The following DMAP1 variants were observed in gnomAD, a reference collection of about 807,000 sequenced individuals.
DMAP1 encodes the protein DNA methyltransferase 1-associated protein 1.
In DMAP1, 26 loss-of-function variants were observed where a neutral mutation model predicts 52.7. That is an observed-to-expected ratio of 0.49 (90% CI 0.36 to 0.68). The LOEUF (loss-of-function observed/expected upper bound fraction) is 0.68. Among genes scored for constraint, DMAP1 ranks in the 30% least tolerant of loss-of-function variants. The pLI, the probability that DMAP1 is intolerant of heterozygous loss-of-function variation, is 0.00. For missense variants in DMAP1, 439 were observed against 625.2 expected (o/e 0.70, Z 3.18); for synonymous variants, 231 against 246.0 (o/e 0.94, Z 0.57).
Position 44,219,689 on chromosome 1 carries a change from T to A in DMAP1, c.979-117T>A, listed in dbSNP as rs562941276. 7.8e-5 allele frequency: 103 copies of A among 1,326,722 alleles called. No homozygotes were observed. The African/African-American group carries it at 1.4e-3, about 18-fold the overall frequency. 82.2% of individuals were successfully genotyped at this position (1,326,722 alleles called of 1,614,324 possible). The stretch of plus-strand genomic sequence containing the variant: ...CCTGGCTATTTCCTTTTCTGGCCCA[T>A]AGTTAACCTCCATGTGTTACCGTCT... On this transcript the variant is annotated intron_variant, in intron 7 of 9. Coordinates refer to ENST00000372289, the MANE Select transcript of DMAP1 (RefSeq NM_019100.5).
At position 44,218,902 on chromosome 1, in the gene DMAP1, TG is replaced by T; in HGVS notation, c.720+150del. Reference sequence around the variant, plus strand: ...GCCCCAAGCCCATTCCTACTTCTCATGGGCCATCCCCCCTGCTTTTCATAGC... The same window carrying T: ...GCCCCAAGCCCATTCCTACTTCTCATGGCCATCCCCCCTGCTTTTCATAGC... On this transcript the variant is annotated intron_variant, in intron 5 of 9. Transcript: ENST00000372289. The surrounding 1 kb of genome is among the most constrained non-coding windows in gnomAD (Gnocchi z 5.6). 1 of 1,399,598 alleles carries T rather than the reference TG, an allele frequency of 7.1e-7. No individual in the cohort carries two copies. Among genetic ancestry groups the T allele is most frequent in the Non-Finnish European group, 9.7e-7 (1 of 1,028,550 alleles). The allele number at this position is 1,399,598 out of a possible 1,614,324, so 86.7% of individuals were successfully genotyped here. A position where few individuals can be genotyped will look rare whatever the true frequency, so the allele number is the denominator to read the frequency against.
chr1:44,214,382 T>TTGA lies in DMAP1; in HGVS notation c.139_140insGAT (p.Thr46_Phe47insTer). The TTGA allele has an allele frequency of 6.2e-7, 1 of 1,614,158 alleles. No individual in the cohort carries two copies. The highest frequency in any genetic ancestry group is 8.5e-7 in the Non-Finnish European group (1 of 1,180,008). ...CCAAGAAGTCCTCTGAGACACTGAC[T>TTGA]TTCAAGAGGCCCGAGGGCATGCACC... On this transcript the variant is annotated stop_gained and inframe_insertion, in exon 2 of 10. Coordinates refer to ENST00000372289, the MANE Select transcript of DMAP1 (RefSeq NM_019100.5). LOFTEE classifies it high-confidence loss of function.
Position 44,214,968 on chromosome 1 carries a change from A to G in DMAP1, c.393+70A>G. On this transcript the variant is annotated intron_variant, in intron 3 of 9. Transcript: ENST00000372289. ...TTTGAGCCATTTGTGCGAGCTCTCCAGTCTCCTAGGGTTGGTTCTGGGGGC... is the reference window on the plus strand; with the variant it reads ...TTTGAGCCATTTGTGCGAGCTCTCCGGTCTCCTAGGGTTGGTTCTGGGGGC... 4.4e-6 allele frequency: 7 copies of G among 1,582,256 alleles called. No homozygotes were observed. In the South Asian group the frequency reaches 4.5e-5, roughly 10 times the overall value.
At position 44,218,195 on chromosome 1, in the gene DMAP1, G is replaced by C. The variant is rs746822529; in HGVS notation, c.394-116G>C. The C allele has an allele frequency of 1.4e-4, 190 of 1,394,708 alleles. No individual in the cohort carries two copies. The highest frequency in any genetic ancestry group is 1.7e-4 in the Non-Finnish European group (169 of 981,788). 86.4% of individuals were successfully genotyped at this position (1,394,708 alleles called of 1,614,324 possible). Reference sequence around the variant, plus strand: ...GTTCTTTCCTCACTCCATGCTGCAGGGGCACAGGCCCAGGGTCTGGCAACA... The same window carrying C: ...GTTCTTTCCTCACTCCATGCTGCAGCGGCACAGGCCCAGGGTCTGGCAACA... On this transcript the variant is annotated intron_variant, in intron 3 of 9. Coordinates refer to ENST00000372289, the MANE Select transcript of DMAP1 (RefSeq NM_019100.5). This position sits in a 1 kb window ranked among gnomAD's most constrained non-coding sequence, Gnocchi z 5.6.
At position 44,214,733 on chromosome 1, in the gene DMAP1, T is replaced by C. The variant is rs1460346988; in HGVS notation, c.228T>C (p.Thr76=). ...CACCCCCACTGCTACCCAGTGACAC[T>C]GGCCAGGGATACCGTACAGTGAAGG... ...KDAPPLLPSD[T]GQGYRTVKAK... The change falls in exon 3 of 10, where the codon ACT becomes ACC. Residue 76 remains threonine (T), a synonymous_variant. Coordinates refer to ENST00000372289, the MANE Select transcript of DMAP1 (RefSeq NM_019100.5). 1.9e-6 allele frequency: 3 copies of C among 1,612,340 alleles called. No individual in the cohort carries two copies. The highest frequency in any genetic ancestry group is 1.7e-5 in the Admixed American group (1 of 59,972).
intron 1 of DMAP1, among the ~76,000 whole-genome samples, chr1:44,214,135 T>C (rs1643740406): frequency 6.6e-6 from 1 of 152,120 alleles, no homozygotes; most frequent in Non-Finnish European, 1.5e-5. Flanking sequence ...GATCAAGACA[T>C]TGTAACAGTC....
Position 44,220,285 on chromosome 1 carries a change from G to C in DMAP1, c.1320G>C (p.Val440=), listed in dbSNP as rs1346914647. The change falls in exon 9 of 10, where the codon GTG becomes GTC. Residue 440 remains valine, a synonymous_variant. Coordinates refer to ENST00000372289, the MANE Select transcript of DMAP1 (RefSeq NM_019100.5). ...PDPKDTIIDV[V]GAPLTPNSRK... ...CCAAGGACACCATCATTGATGTGGT[G>C]GGCGCACCCCTCACGCCCAATTCGG... 6.4e-7 allele frequency: 1 copy of C among 1,554,680 alleles called. No homozygotes were observed.
intron 9 of DMAP1, 80 bp downstream of exon 9, chr1:44,220,389 C>T: frequency 6.6e-7 from 1 of 1,523,842 alleles, no homozygotes; most frequent in African/African-American, 1.4e-5. Context: ...GCTCCTCTCC[C>T]TCTAGTGCCT....
intron 3 of DMAP1, chr1:44,215,831 C>T (rs957422914): frequency 1.0e-4 from 16 of 159,264 alleles, no homozygotes. Context: ...TTCCCAGACT[C>T]ACCCATTCAG....
chr1:44,219,366 CCCTG>C, intron 6 of DMAP1, 36 bp from the exon 7 acceptor site: 1 of 1,549,346 alleles, frequency 6.5e-7, no homozygotes, highest in Non-Finnish European at 8.7e-7. Context: ...TGGGCCCTCT[CCCTG>C]TGACACCTTG....
chr1:44,220,052 A>C lies in DMAP1; in HGVS notation c.1087A>C (p.Met363Leu). 1 of 1,603,790 alleles carries C rather than the reference A, an allele frequency of 6.2e-7. No homozygotes were observed. The highest frequency in any genetic ancestry group is 8.5e-7 in the Non-Finnish European group (1 of 1,172,246). Residue 363 changes from methionine to leucine, a missense_variant, in exon 9 of 10, where the codon ATG becomes CTG. By Grantham distance (15) the Met-to-Leu change is conservative (BLOSUM62 2). Around this residue, in one of 3 missense-constraint regions of DMAP1, gnomAD observed 179 missense variants for 285.9 expected, o/e 0.63. Transcript: ENST00000372289. ...SPTPTEELVH[M>L]FNELRSDLVL... ...GACACCTACGGAGGAGCTGGTGCAC[A>C]TGTTCAATGAGCTGCGAAGCGACCT...
chr1:44,218,319 G>T lies in DMAP1; in HGVS notation c.402G>T (p.Gln134His). 6.2e-7 allele frequency: 1 copy of T among 1,614,274 alleles called. No individual in the cohort carries two copies. The highest frequency in any genetic ancestry group is 8.5e-7 in the Non-Finnish European group (1 of 1,180,044). Residue 134 changes from glutamine (Q) to histidine (H), a missense_variant, in exon 4 of 10, where the codon CAG becomes CAT. Physicochemically the swap from Gln to His is conservative, Grantham distance 24. Transcript: ENST00000372289. This position sits in a 1 kb window ranked among gnomAD's most constrained non-coding sequence, Gnocchi z 5.6. Reference sequence around the variant, plus strand: ...TCCCTCTGTGCTAGTAGACTGTGCAGGTGCCTGTGTACTCGGAGCAGGAGT... The same window carrying T: ...TCCCTCTGTGCTAGTAGACTGTGCATGTGCCTGTGTACTCGGAGCAGGAGT... ...YPFARFNKTV[Q>H]VPVYSEQEYQ...
Position 44,213,932 on chromosome 1 carries a change from A to G in DMAP1, c.105+74A>G. 4.5e-6 allele frequency: 6 copies of G among 1,347,620 alleles called. No homozygotes were observed. The South Asian group carries it at 6.4e-5, about 14-fold the overall frequency. 83.5% of individuals were successfully genotyped at this position (1,347,620 alleles called of 1,614,324 possible). On this transcript the variant is annotated intron_variant, in intron 1 of 9. Coordinates refer to ENST00000372289, the MANE Select transcript of DMAP1 (RefSeq NM_019100.5). This position sits in a 1 kb window ranked among gnomAD's most constrained non-coding sequence, Gnocchi z 4.5. The stretch of plus-strand genomic sequence containing the variant: ...AGATGGGGAGGAGTGACAACGGGCA[A>G]GGGATGGGTGCTACACTTACAGTGA...
chr1:44,218,182 C>A lies in DMAP1; in HGVS notation c.394-129C>A. 3 of 1,262,640 alleles carry A rather than the reference C, an allele frequency of 2.4e-6. No individual in the cohort carries two copies. Among genetic ancestry groups the A allele is most frequent in the Non-Finnish European group, 3.5e-6 (3 of 862,806 alleles). The allele number at this position is 1,262,640 out of a possible 1,614,324, so 78.2% of individuals were successfully genotyped here. A position where few individuals can be genotyped will look rare whatever the true frequency, so the allele number is the denominator to read the frequency against. On this transcript the variant is annotated intron_variant, in intron 3 of 9. Coordinates refer to ENST00000372289, the MANE Select transcript of DMAP1 (RefSeq NM_019100.5). This position sits in a 1 kb window ranked among gnomAD's most constrained non-coding sequence, Gnocchi z 5.6. ...GTCAAGCAGACAAGTTCTTTCCTCACTCCATGCTGCAGGGGCACAGGCCCA... is the reference window on the plus strand; with the variant it reads ...GTCAAGCAGACAAGTTCTTTCCTCAATCCATGCTGCAGGGGCACAGGCCCA...
Position 44,220,112 on chromosome 1 carries a change from A to C in DMAP1, c.1147A>C (p.Asn383His). 1 of 1,612,768 alleles carries C rather than the reference A, an allele frequency of 6.2e-7. No individual in the cohort carries two copies. Among genetic ancestry groups the C allele is most frequent in the Admixed American group, 1.7e-5 (1 of 59,926 alleles). ...LLYELKQACA[N>H]CEYELQMLRH... ...CTACGAGCTCAAGCAGGCCTGTGCC[A>C]ACTGCGAGTATGAGCTGCAGATGCT... Residue 383 changes from asparagine to histidine, a missense_variant, in exon 9 of 10, where the codon AAC (asparagine) becomes CAC (histidine). Asn to His is a moderately conservative substitution (Grantham distance 68). This residue lies in a region of DMAP1 where 179 missense variants were observed against 285.9 expected (regional missense o/e 0.63). Coordinates refer to ENST00000372289, the MANE Select transcript of DMAP1 (RefSeq NM_019100.5).
chr1:44,218,557 G>A lies in DMAP1; in HGVS notation c.553-31G>A, dbSNP rs1221368926. 6.8e-6 allele frequency: 11 copies of A among 1,608,078 alleles called. No homozygotes were observed. The highest frequency in any genetic ancestry group is 9.4e-6 in the Non-Finnish European group (11 of 1,175,436). Reference sequence around the variant, plus strand: ...CCATCTCTTCCACATGCCCCTGAATGTTCATTCCTCTACCCTGTCTTGCTC... The same window carrying A: ...CCATCTCTTCCACATGCCCCTGAATATTCATTCCTCTACCCTGTCTTGCTC... On this transcript the variant is annotated intron_variant, in intron 4 of 9. Transcript: ENST00000372289. This position sits in a 1 kb window ranked among gnomAD's most constrained non-coding sequence, Gnocchi z 5.6.
rs140100133 is a variant in DMAP1 at position 44,220,312 on chromosome 1, A to G, written c.1344+3A>G. 513 of 1,540,746 alleles carry G rather than the reference A, an allele frequency of 3.3e-4. 1 individual carries two copies. In the African/African-American group the frequency reaches 6.3e-3, roughly 19 times the overall value. ...GCGCACCCCTCACGCCCAATTCGGTAAGAGTCTGGACAGGCTGGGAGGCAC... is the reference window on the plus strand; with the variant it reads ...GCGCACCCCTCACGCCCAATTCGGTGAGAGTCTGGACAGGCTGGGAGGCAC... On this transcript the variant is annotated splice_donor_region_variant and intron_variant, in intron 9 of 9. Transcript: ENST00000372289.
In DMAP1 at chr1:44,220,144, C is replaced by T. The variant is rs1367710324; in HGVS notation, c.1179C>T (p.His393=). ...NCEYELQMLR[H]RHEALARAGV... ...AGTATGAGCTGCAGATGCTGCGGCA[C>T]CGTCATGAGGCACTGGCCCGGGCTG... Residue 393 remains histidine (H), a synonymous_variant, in exon 9 of 10, where the codon CAC becomes CAT. Coordinates refer to ENST00000372289, the MANE Select transcript of DMAP1 (RefSeq NM_019100.5). 6.2e-7 allele frequency: 1 copy of T among 1,612,622 alleles called. No individual in the cohort carries two copies. Among genetic ancestry groups the T allele is most frequent in the Non-Finnish European group, 8.5e-7 (1 of 1,179,200 alleles).
Position 44,214,343 on chromosome 1 carries a change from TCCTC to T in DMAP1, c.106-6_106-3del, listed in dbSNP as rs760478991. The T allele has an allele frequency of 5.6e-6, 9 of 1,613,232 alleles. No homozygotes were observed. The highest frequency in any genetic ancestry group is 1.3e-5 in the African/African-American group (1 of 74,868). On this transcript the variant is annotated splice_polypyrimidine_tract_variant and splice_region_variant and intron_variant, in intron 1 of 9. Transcript: ENST00000372289. ...TTGTGGTTCCTTTCTGTGGTTTCCT[TCCTC>T]AGAAAAAATCCAAGAAGTCCTCTGA...
Sources: gnomAD v4.1 joint callset for allele counts (sites outside exome capture counted in the v4.1 genomes callset) on GRCh38, gnomAD v4.1.1 for gene constraint, gnomAD v4.1.1 regional missense constraint, Gnocchi (gnomAD v3.1) non-coding constraint, MANE v1.5 for transcripts, NCBI Gene and HGNC (gene_info 2026-07-23, HGNC 2026-07-21) for gene names.